PIK3R4: variants seen among roughly 807,000 people sequenced by gnomAD.
PIK3R4 encodes the protein phosphoinositide 3-kinase regulatory subunit 4.
Under a neutral mutation model 136.5 loss-of-function variants are expected in PIK3R4, and 46 were observed. The observed-to-expected ratio is 0.34, with a 90% CI of 0.27 to 0.43. PIK3R4 has a LOEUF of 0.43. PIK3R4 is among the 20% of genes least tolerant of loss of function. The probability of loss-of-function intolerance (pLI) is 1.00; values close to 1 mark genes in which losing one functional copy is unlikely to be tolerated. For synonymous variants in PIK3R4, 557 were observed against 566.7 expected (o/e 0.98, Z 0.24); for missense variants, 1,331 against 1,649.5 (o/e 0.81, Z 3.35).
chr3:130,679,074 A>T lies in PIK3R4; in HGVS notation c.*241T>A, dbSNP rs2108512531. On this transcript the variant is annotated 3_prime_UTR_variant, in exon 20 of 20. Coordinates refer to ENST00000356763, the MANE Select transcript of PIK3R4 (RefSeq NM_014602.3). ...CATATTTTACATTTCTCACCTCTATAACATATACAATAAAAATCCCAGACA... is the reference window on the plus strand; with the variant it reads ...CATATTTTACATTTCTCACCTCTATTACATATACAATAAAAATCCCAGACA... 1 of 275,454 alleles carries T rather than the reference A, an allele frequency of 3.6e-6. No individual in the cohort carries two copies. Among genetic ancestry groups the T allele is most frequent in the Non-Finnish European group, 6.8e-6 (1 of 148,096 alleles). The allele number at this position is 275,454 out of a possible 1,614,324, so 17.1% of individuals were successfully genotyped here.
Position 130,679,204 on chromosome 3 carries a change from T to A in PIK3R4, c.*111A>T. On this transcript the variant is annotated 3_prime_UTR_variant, in exon 20 of 20. Transcript: ENST00000356763. The stretch of plus-strand genomic sequence containing the variant: ...GTCAGTCAGTCATGAAACAGTAATA[T>A]GGAGACATAATTTTGAAAATTAAGC... 1 of 623,768 alleles carries A rather than the reference T, an allele frequency of 1.6e-6. No individual in the cohort carries two copies. Among genetic ancestry groups the A allele is most frequent in the Non-Finnish European group, 2.6e-6 (1 of 388,700 alleles). The allele number at this position is 623,768 out of a possible 1,614,324, so 38.6% of individuals were successfully genotyped here. A position where few individuals can be genotyped will look rare whatever the true frequency, so the allele number is the denominator to read the frequency against.
chr3:130,680,142 C>CATTAATA (rs1264513295), intron 19 of PIK3R4, among the ~76,000 whole-genome samples: 1 of 151,384 alleles, frequency 6.6e-6, no homozygotes, highest in African/African-American at 2.4e-5. Context: ...TTCTAAAGCT[C>CATTAATA]ATTAATATTT....
Position 130,744,894 on chromosome 3 carries a change from T to C in PIK3R4, c.325A>G (p.Asn109Asp). The C allele has an allele frequency of 6.2e-7, 1 of 1,614,242 alleles. No individual in the cohort carries two copies. The highest frequency in any genetic ancestry group is 8.5e-7 in the Non-Finnish European group (1 of 1,180,022). Residue 109 changes from asparagine to aspartate, a missense_variant, in exon 2 of 20, where the codon AAT (asparagine) becomes GAT (aspartate). This residue lies in a region of PIK3R4 where 151 missense variants were observed against 242.5 expected (regional missense o/e 0.62). Coordinates refer to ENST00000356763, the MANE Select transcript of PIK3R4 (RefSeq NM_014602.3). ...AMLFRQYVRD[N>D]LYDRISTRPF... is the part of the protein sequence containing the mutation. Reference sequence around the variant, plus strand: ...CGGGTACTGATGCGATCATAGAGATTGTCTCGCACATACTGCCTAAAGAGC... The same window carrying C: ...CGGGTACTGATGCGATCATAGAGATCGTCTCGCACATACTGCCTAAAGAGC...
In PIK3R4 at chr3:130,728,472, T is replaced by G; in HGVS notation, c.1798A>C (p.Ser600Arg). The G allele has an allele frequency of 5.0e-6, 8 of 1,604,690 alleles. No individual in the cohort carries two copies. Among genetic ancestry groups the G allele is most frequent in the Non-Finnish European group, 6.8e-6 (8 of 1,174,514 alleles). The change falls in exon 6 of 20, where the codon AGT (serine) becomes CGT (arginine). Residue 600 changes from serine to arginine, a missense_variant. Coordinates refer to ENST00000356763, the MANE Select transcript of PIK3R4 (RefSeq NM_014602.3). Reference protein sequence around the residue: ...DWHLRGAFFDSIVGVAAYVGW... With the variant: ...DWHLRGAFFDRIVGVAAYVGW... ...AAAGCAAAAAACATACCAACTATAC[T>G]ATCAAAAAATGCTCCACGTAGATGC...
chr3:130,743,476 C>T (rs2066835687), intron 2 of PIK3R4, among the ~76,000 whole-genome samples: 1 of 152,060 alleles, frequency 6.6e-6, no homozygotes, highest in African/African-American at 2.4e-5. Context: ...TACATCTTCT[C>T]CTGCATACTT....
At chr3:130,720,664 T>C (rs977440469) in intron 7 of PIK3R4, among the ~76,000 whole-genome samples, 2 of 152,174 alleles carry the variant, frequency 1.3e-5, no homozygotes, top group African/African-American at 4.8e-5. Context: ...GTATTCATCC[T>C]CTTGTAGAAA....
intron 5 of PIK3R4, among the ~76,000 whole-genome samples, chr3:130,729,946 T>A (rs1161115148): frequency 1.3e-5 from 2 of 152,170 alleles, no homozygotes; most frequent in African/African-American, 4.8e-5. Flanking sequence ...AAACAATTTA[T>A]GATTGAGGAT....
chr3:130,727,193 TC>T (rs1273425238), intron 6 of PIK3R4, among the ~76,000 whole-genome samples: 1 of 152,144 alleles, frequency 6.6e-6, no homozygotes, highest in African/African-American at 2.4e-5. Context: ...AGCAAACCTT[TC>T]CTAGATTATT....
chr3:130,718,321 C>T, intron 8 of PIK3R4, 68 bp downstream of exon 8: 3 of 1,364,456 alleles, frequency 2.2e-6, no homozygotes, highest in Non-Finnish European at 2.1e-6. Flanking sequence ...AAATAGGACT[C>T]TCTAAACATT....
At chr3:130,698,101 G>A (rs565312353) in intron 13 of PIK3R4, among the ~76,000 whole-genome samples, 12 of 152,236 alleles carry the variant, frequency 7.9e-5, no homozygotes, top group African/African-American at 2.9e-4. Flanking sequence ...TCCCTTGTAT[G>A]TGATGAGTCA....
chr3:130,711,960 CATT>C (rs1333138734), intron 9 of PIK3R4, among the ~76,000 whole-genome samples: 2 of 152,164 alleles, frequency 1.3e-5, no homozygotes, highest in African/African-American at 2.4e-5. Context: ...AAATGTAACT[CATT>C]TTTTAAAGGA....
intron 4 of PIK3R4, among the ~76,000 whole-genome samples, chr3:130,732,670 G>GT (rs2066765464): frequency 6.6e-6 from 1 of 151,788 alleles, no homozygotes; most frequent in South Asian, 2.1e-4. Context: ...ATAAAAACAC[G>GT]TAACAATCAC....
chr3:130,737,382 T>C (rs776882844), intron 2 of PIK3R4, among the ~76,000 whole-genome samples: 9 of 152,108 alleles, frequency 5.9e-5, no homozygotes, highest in Non-Finnish European at 1.2e-4. Context: ...GTTAAAAATA[T>C]TGAACGGTGG....
chr3:130,742,350 C>T (rs1012388737), intron 2 of PIK3R4, among the ~76,000 whole-genome samples: 1 of 152,178 alleles, frequency 6.6e-6, no homozygotes, highest in African/African-American at 2.4e-5. Context: ...TAAAAATAAG[C>T]TTATCAACCA....
At position 130,733,966 on chromosome 3, in the gene PIK3R4, C is replaced by T. The variant is rs139086726; in HGVS notation, c.1032G>A (p.Leu344=). Residue 344 remains leucine, a synonymous_variant, in exon 4 of 20, where the codon CTG becomes CTA. Coordinates refer to ENST00000356763, the MANE Select transcript of PIK3R4 (RefSeq NM_014602.3). ...TGTTGCCCAAATCCTTCCGTATAAC[C>T]AGAATACGCTCATCTGCAGAAAGAA... ...ETFLSADERI[L]VIRKDLGNII... 55 of 1,613,998 alleles carry T rather than the reference C, an allele frequency of 3.4e-5. No individual in the cohort carries two copies. In the African/African-American group the frequency reaches 6.5e-4, roughly 19 times the overall value.
rs190995613 is a variant in PIK3R4 at position 130,728,947 on chromosome 3, T to G, written c.1586-263A>C. Among the ~76,000 whole-genome samples, 191 of 152,316 alleles carry G rather than the reference T, an allele frequency of 1.3e-3. 1 individual carries two copies. The highest frequency in any genetic ancestry group is 2.4e-3 in the Non-Finnish European group (164 of 68,002). On this transcript the variant is annotated intron_variant, in intron 5 of 19. Transcript: ENST00000356763. ...TATCTCACTAATCAAATAGTTTCAT[T>G]TATTAGCTCAAGGAGAAAATTATAG... is the stretch of plus-strand genomic sequence containing the variant.
At chr3:130,727,321 C>G (rs1055890759) in intron 6 of PIK3R4, among the ~76,000 whole-genome samples, 19 of 148,698 alleles carry the variant, frequency 1.3e-4, no homozygotes, top group Admixed American at 2.7e-4. Context: ...CCTGGGTTCA[C>G]GCCATTCTCC....
chr3:130,686,750 A>G (rs1476074385), intron 14 of PIK3R4, among the ~76,000 whole-genome samples: 1 of 152,220 alleles, frequency 6.6e-6, no homozygotes, highest in African/African-American at 2.4e-5. Context: ...AGTTTTCCCA[A>G]TAGTGTCCTT....
chr3:130,727,390 A>AT (rs1231538206), intron 6 of PIK3R4, among the ~76,000 whole-genome samples: 40 of 151,962 alleles, frequency 2.6e-4, no homozygotes, highest in African/African-American at 9.2e-4. Context: ...CGCCCGGCTG[A>AT]TTTTTTGTAT....
Sources: allele counts gnomAD v4.1 joint callset (sites outside exome capture counted in the v4.1 genomes callset), GRCh38; gene constraint gnomAD v4.1.1; regional missense constraint gnomAD v4.1.1; transcripts MANE v1.5; gene names NCBI Gene and HGNC (gene_info 2026-07-23, HGNC 2026-07-21).